The following SPAG16 variants were observed in gnomAD, a reference collection of about 807,000 sequenced individuals.
SPAG16 encodes the protein sperm associated antigen 16.
In SPAG16, 86 loss-of-function variants were observed where a neutral mutation model predicts 80.4. The ratio of observed to expected loss-of-function variants is 1.07; its 90% CI spans 0.90 to 1.28. SPAG16 has a LOEUF of 1.28. Ranked by LOEUF, SPAG16 falls within the 50% of genes most tolerant of loss-of-function variation. The pLI, the probability that SPAG16 is intolerant of heterozygous loss-of-function variation, is 0.00. For missense variants in SPAG16, 870 were observed against 765.3 expected, an observed-to-expected ratio of 1.14 and a Z score of -1.61; for synonymous variants, 294 against 265.9, an observed-to-expected ratio of 1.11 and a Z score of -1.03.
intron 10 of SPAG16, among the ~76,000 whole-genome samples, chr2:213,512,644 C>A (rs1182803730): frequency 6.6e-6 from 1 of 152,084 alleles, no homozygotes; most frequent in Non-Finnish European, 1.5e-5. Flanking sequence ...AGATTAAGAG[C>A]CCAGCACTGT....
intron 10 of SPAG16, among the ~76,000 whole-genome samples, chr2:213,513,153 C>T (rs1214238515): frequency 2.6e-5 from 4 of 152,132 alleles, no homozygotes; most frequent in African/African-American, 9.7e-5. Flanking sequence ...TGTTTTATCA[C>T]CTAATTGCTT....
At chr2:213,337,405 T>C (rs2064424062) in intron 5 of SPAG16, among the ~76,000 whole-genome samples, 1 of 152,156 alleles carries the variant, frequency 6.6e-6, no homozygotes, top group Admixed American at 6.5e-5. Context: ...CTTCAGAAGA[T>C]GGGTAATAAT....
At chr2:214,089,289 A>G (rs2052004480) in intron 13 of SPAG16, among the ~76,000 whole-genome samples, 1 of 152,106 alleles carries the variant, frequency 6.6e-6, no homozygotes, top group Non-Finnish European at 1.5e-5. Context: ...AAAGTTTAGC[A>G]AATTAAAAAT....
chr2:213,790,110 C>T (rs2070596730), intron 10 of SPAG16, among the ~76,000 whole-genome samples: 1 of 151,760 alleles, frequency 6.6e-6, no homozygotes, highest in African/African-American at 2.4e-5. Context: ...TTGTTCTTTC[C>T]CCAGTGGAGT....
intron 9 of SPAG16, among the ~76,000 whole-genome samples, chr2:213,489,723 A>G (rs1330465540): frequency 1.3e-5 from 2 of 152,098 alleles, no homozygotes; most frequent in Non-Finnish European, 2.9e-5. Flanking sequence ...ATTTTCAAGT[A>G]ATTTTTAACA....
At chr2:213,333,979 A>G (rs1361352540) in intron 5 of SPAG16, among the ~76,000 whole-genome samples, 1 of 152,170 alleles carries the variant, frequency 6.6e-6, no homozygotes, top group East Asian at 1.9e-4. Context: ...GCATCACATC[A>G]AGTTAAAAAG....
intron 11 of SPAG16, among the ~76,000 whole-genome samples, chr2:213,867,923 C>CAAAAAATAAAAAAAAAAAAAA (rs1293542535): frequency 1.8e-5 from 1 of 55,368 alleles, no homozygotes. Context: ...GACTCTGTCT[C>CAAAAAATAAAAAAAAAAAAAA]AACAAAAAAA....
At chr2:213,928,341 C>T (rs970568339) in intron 11 of SPAG16, among the ~76,000 whole-genome samples, 9 of 151,944 alleles carry the variant, frequency 5.9e-5, no homozygotes, top group African/African-American at 2.2e-4. Context: ...ATCTGCCCCC[C>T]TCGACCTCCC....
intron 10 of SPAG16, among the ~76,000 whole-genome samples, chr2:213,674,537 C>T (rs1574751724): frequency 6.7e-6 from 1 of 149,364 alleles, no homozygotes; most frequent in African/African-American, 2.6e-5. Flanking sequence ...CTCCCCCTTT[C>T]CCCCACCCCA....
rs73081097 is a variant in SPAG16 at position 214,256,847 on chromosome 2, G to T, written c.1720+107581G>T. On this transcript the variant is annotated intron_variant, in intron 15 of 15. Coordinates refer to ENST00000331683, the MANE Select transcript of SPAG16 (RefSeq NM_024532.5). ...TTATAATAAGTCTTAAAGTCAAACG[G>T]TTAGAAGTCCTCCAAAGCTGTTTTT... Among the ~76,000 whole-genome samples, 1,066 of 152,038 alleles carry T rather than the reference G, an allele frequency of 7.0e-3. 13 individuals carry two copies. Among genetic ancestry groups the T allele is most frequent in the African/African-American group, 0.024 (991 of 41,534 alleles).
intron 12 of SPAG16, among the ~76,000 whole-genome samples, chr2:213,942,816 C>T (rs938963119): frequency 6.6e-6 from 1 of 152,178 alleles, no homozygotes; most frequent in African/African-American, 2.4e-5. Flanking sequence ...GAAATAATGG[C>T]GACTGCTATG....
chr2:213,649,142 A>G (rs2062932893), intron 10 of SPAG16, among the ~76,000 whole-genome samples: 1 of 152,236 alleles, frequency 6.6e-6, no homozygotes, highest in African/African-American at 2.4e-5. Context: ...TTCCTATCAG[A>G]GAAAACTAAG....
intron 15 of SPAG16, among the ~76,000 whole-genome samples, chr2:214,409,060 A>C (rs1223857609): frequency 1.3e-5 from 2 of 151,590 alleles, no homozygotes; most frequent in African/African-American, 2.4e-5. Context: ...AGTTACTACT[A>C]TTAGTACTAA....
At position 213,642,808 on chromosome 2, in the gene SPAG16, G is replaced by A. The variant is rs546701008; in HGVS notation, c.1070+152718G>A. On this transcript the variant is annotated intron_variant, in intron 10 of 15. Transcript: ENST00000331683. ...TGCACTCCAGCCTGGGCGACAGAGC[G>A]AGACTCTGTCTCAAAAAAAAAAAAA... Among the ~76,000 whole-genome samples, 60 of 17,046 alleles carry A rather than the reference G, an allele frequency of 3.5e-3. 8 individuals carry two copies. In the Middle Eastern group the frequency reaches 0.077, roughly 22 times the overall value. The allele number at this position is 17,046 out of a possible 152,430, so 11.2% of individuals were successfully genotyped here.
intron 15 of SPAG16, among the ~76,000 whole-genome samples, chr2:214,271,443 T>G (rs1461679702): frequency 6.6e-6 from 1 of 152,204 alleles, no homozygotes; most frequent in Admixed American, 6.5e-5. Context: ...TGGAAAGTTA[T>G]TATTTCTAAT....
At chr2:213,445,705 C>A (rs2071263569) in intron 9 of SPAG16, among the ~76,000 whole-genome samples, 1 of 152,100 alleles carries the variant, frequency 6.6e-6, no homozygotes, top group Non-Finnish European at 1.5e-5. Context: ...AAATGCTCAA[C>A]ATCACTAATC....
intron 15 of SPAG16, among the ~76,000 whole-genome samples, chr2:214,194,425 A>G (rs1168933044): frequency 6.6e-6 from 1 of 152,034 alleles, no homozygotes; most frequent in South Asian, 2.1e-4. Context: ...GGTATCTGAA[A>G]TTACAGGAAA....
intron 10 of SPAG16, among the ~76,000 whole-genome samples, chr2:213,786,392 A>G (rs1278742649): frequency 6.6e-6 from 1 of 152,220 alleles, no homozygotes; most frequent in East Asian, 1.9e-4. Context: ...TTTAGTGAGT[A>G]TTAGAAGAAA....
At chr2:214,171,542 A>G (rs1301790640) in intron 15 of SPAG16, among the ~76,000 whole-genome samples, 1 of 151,980 alleles carries the variant, frequency 6.6e-6, no homozygotes, top group Non-Finnish European at 1.5e-5. Flanking sequence ...AACTTGCAAG[A>G]TGATTTCTAA....
Sources: gnomAD v4.1 joint callset for allele counts (sites outside exome capture counted in the v4.1 genomes callset) on GRCh38, gnomAD v4.1.1 for gene constraint, MANE v1.5 for transcripts, NCBI Gene and HGNC (gene_info 2026-07-23, HGNC 2026-07-21) for gene names.